The following PDCD11 variants were observed in gnomAD, a reference collection of about 807,000 sequenced individuals.
PDCD11 encodes programmed cell death 11, also known as protein RRP5 homolog.
In PDCD11, 97 loss-of-function variants were observed where a neutral mutation model predicts 198.9. The ratio of observed to expected loss-of-function variants is 0.49; its 90% CI spans 0.41 to 0.58. PDCD11 has a LOEUF of 0.58. PDCD11 is among the 20% of genes least tolerant of loss of function. The pLI, the probability that PDCD11 is intolerant of heterozygous loss-of-function variation, is 0.00. For missense variants in PDCD11, 2,102 were observed against 2,312.7 expected, an observed-to-expected ratio of 0.91 and a Z score of 1.87; for synonymous variants, 893 against 918.0, an observed-to-expected ratio of 0.97 and a Z score of 0.49.
chr10:103,411,506 C>T (rs1055413549), intron 8 of PDCD11, among the ~76,000 whole-genome samples: 6 of 152,022 alleles, frequency 3.9e-5, no homozygotes, highest in Admixed American at 2.0e-4. Flanking sequence ...GCTGGGACTA[C>T]GGATGCATGC....
intron 8 of PDCD11, among the ~76,000 whole-genome samples, chr10:103,411,536 T>C (rs2030808251): frequency 6.6e-6 from 1 of 152,048 alleles, no homozygotes. Flanking sequence ...CAGCTAATTT[T>C]TGCTATGTTT....
intron 3 of PDCD11, among the ~76,000 whole-genome samples, chr10:103,402,151 G>A (rs1343888402): frequency 6.6e-6 from 1 of 152,198 alleles, no homozygotes; most frequent in Non-Finnish European, 1.5e-5. Context: ...ATGACAAGGA[G>A]CTGAGTAGTG....
intron 21 of PDCD11, among the ~76,000 whole-genome samples, chr10:103,429,807 C>A (rs1252772299): frequency 2.0e-5 from 3 of 152,166 alleles, no homozygotes; most frequent in Admixed American, 6.5e-5. Context: ...TTCTCCCTCT[C>A]TTCCGCCCCG....
intron 25 of PDCD11, 61 bp downstream of exon 25, chr10:103,435,036 C>T (rs1026723454): frequency 4.0e-5 from 51 of 1,260,914 alleles, no homozygotes; most frequent in East Asian, 1.1e-4. Context: ...TAAAAAAAAA[C>T]GTTGTTGTAA....
intron 7 of PDCD11, among the ~76,000 whole-genome samples, chr10:103,407,909 G>C (rs954629913): frequency 3.3e-5 from 5 of 151,938 alleles, no homozygotes; most frequent in African/African-American, 1.2e-4. Context: ...AGTAGAGACA[G>C]GGTTTCACCA....
rs964087668 is a variant in PDCD11 at position 103,421,973 on chromosome 10, C to CA, written c.2497+425dup. ...TGGGTGACAGAGTGAGACTCCGTCT[C>CA]AAAAAAAAAAAAAAAAAAAGAAAAA... On this transcript the variant is annotated intron_variant, in intron 17 of 35. Transcript: ENST00000369797. Among the ~76,000 whole-genome samples the CA allele has an allele frequency of 9.8e-3, 254 of 25,870 alleles. 11 individuals carry two copies. Among genetic ancestry groups the CA allele is most frequent in the East Asian group, 0.022 (17 of 772 alleles). 17.0% of individuals were successfully genotyped at this position (25,870 alleles called of 152,430 possible). A position where few individuals can be genotyped will look rare whatever the true frequency, so the allele number is the denominator to read the frequency against.
At chr10:103,439,688 T>A in intron 27 of PDCD11, 58 bp from the exon 28 acceptor site, 1 of 1,607,996 alleles carries the variant, frequency 6.2e-7, no homozygotes, top group Non-Finnish European at 8.5e-7. Flanking sequence ...TCCCGAGGCC[T>A]GGTTGGAATT....
chr10:103,436,527 C>T (rs1156852466), intron 25 of PDCD11, among the ~76,000 whole-genome samples: 1 of 152,210 alleles, frequency 6.6e-6, no homozygotes, highest in Non-Finnish European at 1.5e-5. Flanking sequence ...CCTCTCCTGT[C>T]TCAGCTGTCC....
chr10:103,418,537 C>A lies in PDCD11; in HGVS notation c.2009C>A (p.Ser670Ter). The A allele has an allele frequency of 6.2e-7, 1 of 1,614,106 alleles. No homozygotes were observed. Residue 670 changes from serine (S) to a stop codon, truncating the protein, a stop_gained, in exon 15 of 36, where the codon TCG becomes TAG. Transcript: ENST00000369797. LOFTEE classifies it high-confidence loss of function. ...GCTTTCCTCCCCACATCTCATCTGT[C>A]GGACCACGTTGCCAACGGCCCATTG... ...IRAFLPTSHL[S>*]DHVANGPLLH...
rs779987792 is a variant in PDCD11, at chr10:103,440,574, G to A, written c.4433G>A (p.Ser1478Asn). 2 of 1,610,836 alleles carry A rather than the reference G, an allele frequency of 1.2e-6. No individual in the cohort carries two copies. Among genetic ancestry groups the A allele is most frequent in the East Asian group, 2.2e-5 (1 of 44,884 alleles). The stretch of plus-strand genomic sequence containing the variant: ...GGGCGGGAGTGCCGGGAGTCTGGGA[G>A]TGAGCAGGTGAGGTCCTGCGGAGGG... ...RGGRECRESG[S>N]EQERVSKKPK... is the part of the protein sequence containing the mutation. The change falls in exon 29 of 36, where the codon AGT (serine) becomes AAT (asparagine). Residue 1478 changes from serine (S) to asparagine (N), a missense_variant. Physicochemically the swap from Ser to Asn is conservative, Grantham distance 46. Coordinates refer to ENST00000369797, the MANE Select transcript of PDCD11 (RefSeq NM_014976.2).
chr10:103,425,028 G>A lies in PDCD11; in HGVS notation c.2808G>A (p.Glu936=). 6.2e-7 allele frequency: 1 copy of A among 1,614,272 alleles called. No individual in the cohort carries two copies. The highest frequency in any genetic ancestry group is 8.5e-7 in the Non-Finnish European group (1 of 1,180,052). Residue 936 remains glutamate (E), a synonymous_variant, in exon 20 of 36, where the codon GAG becomes GAA. Transcript: ENST00000369797. ...ACCAGGCGATTGTGCAGCACTTGGA[G>A]AAGTCCTTTGCCATTGCCTCCTTGG... The part of the protein sequence containing the change: ...SEHQAIVQHL[E]KSFAIASLVE...
At chr10:103,416,325 T>A (rs187269648) in intron 12 of PDCD11, among the ~76,000 whole-genome samples, 166 bp from the exon 13 acceptor site, 30 of 152,326 alleles carry the variant, frequency 2.0e-4, no homozygotes, top group African/African-American at 5.5e-4. Context: ...ATGCTCCAGA[T>A]TGTCATACAG....
chr10:103,416,599 C>T lies in PDCD11; in HGVS notation c.1627C>T (p.Leu543=). ...CTGCTATGCCGATGCCAAGCCTGGT[C>T]TGCAGACACATGGCTTCATCATCAG... is the stretch of plus-strand genomic sequence containing the variant. ...ITCYADAKPG[L]QTHGFIIRVK... The change falls in exon 13 of 36, where the codon CTG becomes TTG. Residue 543 remains leucine (L), a synonymous_variant. Coordinates refer to ENST00000369797, the MANE Select transcript of PDCD11 (RefSeq NM_014976.2). 6.2e-7 allele frequency: 1 copy of T among 1,614,188 alleles called. No individual in the cohort carries two copies.
chr10:103,426,201 T>A (rs540502936), intron 20 of PDCD11, among the ~76,000 whole-genome samples: 7 of 152,342 alleles, frequency 4.6e-5, no homozygotes, highest in Admixed American at 1.3e-4. Flanking sequence ...CTGGCCTCAG[T>A]TACTGCGCTG....
At position 103,406,038 on chromosome 10, in the gene PDCD11, T is replaced by C. The variant is rs542076880; in HGVS notation, c.618T>C (p.Ile206=). 8 of 1,614,002 alleles carry C rather than the reference T, an allele frequency of 5.0e-6. No homozygotes were observed. In the South Asian group the frequency reaches 6.6e-5, roughly 13 times the overall value. ...AAGACCATGGCTACCTAGTGGACAT[T>C]GGTGTTGATGGGACCAGAGCTTTTC... ...SLEDHGYLVD[I]GVDGTRAFLP... is the part of the protein sequence containing the mutation. The change falls in exon 6 of 36, where the codon ATT becomes ATC. Residue 206 remains isoleucine (I), a synonymous_variant. Transcript: ENST00000369797.
intron 17 of PDCD11, 98 bp downstream of exon 17, chr10:103,421,665 T>A: frequency 1.9e-6 from 2 of 1,057,558 alleles, no homozygotes; most frequent in Admixed American, 5.0e-5. Flanking sequence ...TCCCAGAACA[T>A]AAGAAAAAAA....
intron 4 of PDCD11, 56 bp downstream of exon 4, chr10:103,403,341 T>A (rs2030233514): frequency 3.3e-6 from 5 of 1,520,352 alleles, no homozygotes. Context: ...ACAAATAGAT[T>A]TAAAATTACA....
intron 16 of PDCD11, 104 bp from the exon 17 acceptor site, chr10:103,421,244 G>C (rs1407891741): frequency 7.2e-6 from 6 of 829,270 alleles, no homozygotes; most frequent in African/African-American, 1.7e-5. Context: ...GAGCTTCCTA[G>C]GCCCCATTTC....
intron 1 of PDCD11, among the ~76,000 whole-genome samples, chr10:103,397,823 A>G (rs554850797): frequency 2.6e-5 from 4 of 152,374 alleles, no homozygotes; most frequent in African/African-American, 9.6e-5. Flanking sequence ...GCCTTTGAGC[A>G]GTTGTTTGAT....
Sources: allele counts gnomAD v4.1 joint callset (sites outside exome capture counted in the v4.1 genomes callset), GRCh38; gene constraint gnomAD v4.1.1; transcripts MANE v1.5; gene names NCBI Gene and HGNC (gene_info 2026-07-23, HGNC 2026-07-21).